Variants in CDIN1 observed in about 807,000 individuals in gnomAD.
The protein encoded by CDIN1 is CDAN1 interacting nuclease 1.
A neutral mutation model predicts 45.3 loss-of-function variants in CDIN1; 33 were observed. That is an observed-to-expected ratio of 0.73 (90% CI 0.55 to 0.97). The LOEUF is 0.97. Ranked by LOEUF, CDIN1 falls within the 50% of genes least tolerant of loss-of-function variation. The pLI is 0.00. For synonymous variants in CDIN1, 118 were observed against 124.4 expected (o/e 0.95, Z 0.34); for missense variants, 303 against 339.4 (o/e 0.89, Z 0.84).
chr15:36,674,124 A>T (rs1363527822), intron 5 of CDIN1, among the ~76,000 whole-genome samples: 1 of 152,160 alleles, frequency 6.6e-6, no homozygotes, highest in Non-Finnish European at 1.5e-5. Flanking sequence ...TAATAAGCGT[A>T]TGCTTGTGGT....
chr15:36,726,184 G>T (rs924042575), intron 10 of CDIN1, among the ~76,000 whole-genome samples: 1 of 152,106 alleles, frequency 6.6e-6, no homozygotes, highest in African/African-American at 2.4e-5. Flanking sequence ...TCATATCACT[G>T]CACTTTTCAG....
intron 10 of CDIN1, among the ~76,000 whole-genome samples, chr15:36,750,998 C>A (rs2053444241): frequency 6.6e-6 from 1 of 151,810 alleles, no homozygotes; most frequent in African/African-American, 2.4e-5. Flanking sequence ...AAAACCTCCC[C>A]TTTTATTTTT....
intron 5 of CDIN1, among the ~76,000 whole-genome samples, chr15:36,661,004 G>A (rs748924355): frequency 1.3e-5 from 2 of 152,170 alleles, no homozygotes; most frequent in Non-Finnish European, 2.9e-5. Flanking sequence ...GGAGAGAATA[G>A]CATCTCTGGT....
At chr15:36,708,947 C>A in intron 8 of CDIN1, 1 of 267,684 alleles carries the variant, frequency 3.7e-6, no homozygotes, top group Non-Finnish European at 6.9e-6. Flanking sequence ...TGAGTACTTT[C>A]AATTACAAAA....
At chr15:36,604,075 T>C (rs1377730) in intron 1 of CDIN1, among the ~76,000 whole-genome samples, 90,331 of 151,900 alleles carry the variant, frequency 0.59, 27,559 homozygotes, top group African/African-American at 0.72. Context: ...TTAAAACCTT[T>C]GGAATATGTG....
At chr15:36,754,633 TC>T (rs2053560646) in intron 10 of CDIN1, among the ~76,000 whole-genome samples, 1 of 149,682 alleles carries the variant, frequency 6.7e-6, no homozygotes, top group Admixed American at 6.6e-5. Flanking sequence ...AATATATTTA[TC>T]CCCCTTACAT....
chr15:36,582,742 A>T (rs2037104901), intron 1 of CDIN1, among the ~76,000 whole-genome samples: 2 of 152,224 alleles, frequency 1.3e-5, no homozygotes, highest in Admixed American at 1.3e-4. Flanking sequence ...ATTTTGATGT[A>T]TACTGACAAA....
At chr15:36,767,147 C>T (rs751539985) in intron 10 of CDIN1, among the ~76,000 whole-genome samples, 2 of 148,038 alleles carry the variant, frequency 1.4e-5, no homozygotes, top group African/African-American at 2.5e-5. Flanking sequence ...TATTCTTTTG[C>T]CTGGGGATGT....
chr15:36,752,921 G>A (rs12440276), intron 10 of CDIN1, among the ~76,000 whole-genome samples: 9,651 of 152,108 alleles, frequency 0.063, 494 homozygotes, highest in East Asian at 0.26. Flanking sequence ...GAGATTGATG[G>A]GCATTGTGGT....
At chr15:36,797,278 A>G (rs1009584624) in intron 10 of CDIN1, among the ~76,000 whole-genome samples, 7 of 152,126 alleles carry the variant, frequency 4.6e-5, no homozygotes, top group South Asian at 2.1e-4. Flanking sequence ...AAACAGATGA[A>G]CCTGCTGAGA....
chr15:36,721,176 C>A (rs2043403666), intron 10 of CDIN1, among the ~76,000 whole-genome samples: 1 of 151,864 alleles, frequency 6.6e-6, no homozygotes, highest in Non-Finnish European at 1.5e-5. Flanking sequence ...GGGTATTAGC[C>A]CTTTGTCAGA....
chr15:36,779,955 T>C (rs1168116666), intron 10 of CDIN1, among the ~76,000 whole-genome samples: 1 of 152,150 alleles, frequency 6.6e-6, no homozygotes, highest in Non-Finnish European at 1.5e-5. Context: ...TCATACTGAG[T>C]AGCAGTGGCA....
intron 10 of CDIN1, among the ~76,000 whole-genome samples, chr15:36,791,741 A>G (rs1370932132): frequency 2.0e-5 from 3 of 152,146 alleles, no homozygotes; most frequent in Non-Finnish European, 2.9e-5. Context: ...TGTTTCTTTT[A>G]AAAGTGATCA....
chr15:36,729,228 G>GGAACTA (rs2043753650), intron 10 of CDIN1, among the ~76,000 whole-genome samples: 1 of 152,112 alleles, frequency 6.6e-6, no homozygotes, highest in African/African-American at 2.4e-5. Flanking sequence ...GTTACACTGA[G>GGAACTA]GAACTAGTAC....
At chr15:36,632,458 G>A (rs1475309718) in intron 1 of CDIN1, among the ~76,000 whole-genome samples, 2 of 152,158 alleles carry the variant, frequency 1.3e-5, no homozygotes, top group African/African-American at 4.8e-5. Context: ...TCATGCCCAG[G>A]ACACCACACC....
intron 10 of CDIN1, among the ~76,000 whole-genome samples, chr15:36,785,539 C>A (rs949579173): frequency 1.3e-5 from 2 of 152,174 alleles, no homozygotes; most frequent in Non-Finnish European, 2.9e-5. Flanking sequence ...TACACTGATA[C>A]ACACATTCAC....
In CDIN1 at chr15:36,808,837, AT is replaced by A. The variant is rs1435536277; in HGVS notation, c.*393del. The A allele has an allele frequency of 1.4e-4, 60 of 438,376 alleles. No individual in the cohort carries two copies. Among genetic ancestry groups the A allele is most frequent in the Admixed American group, 2.2e-4 (9 of 40,562 alleles). 27.2% of individuals were successfully genotyped at this position (438,376 alleles called of 1,614,324 possible). A position where few individuals can be genotyped will look rare whatever the true frequency, so the allele number is the denominator to read the frequency against. On this transcript the variant is annotated 3_prime_UTR_variant, in exon 11 of 11. Coordinates refer to ENST00000566621, the MANE Select transcript of CDIN1 (RefSeq NM_001321759.2). ...CTCCCAGTTACCGAATCACCCTCTT[AT>A]TTTTTTTTCCCTAAGCCTCCGTTCA...
intron 10 of CDIN1, among the ~76,000 whole-genome samples, chr15:36,800,905 GTGTGTATATATATATA>G (rs1374765497): frequency 4.5e-5 from 1 of 22,102 alleles, no homozygotes; most frequent in East Asian, 2.3e-3. Context: ...GTGTGTGTGT[GTGTGTATATATATATA>G]TATATATATA....
At chr15:36,775,726 A>T (rs908624437) in intron 10 of CDIN1, among the ~76,000 whole-genome samples, 4 of 152,180 alleles carry the variant, frequency 2.6e-5, no homozygotes, top group African/African-American at 9.7e-5. Context: ...AATATGCAAG[A>T]TGTATACCCT....
Sources: gnomAD v4.1 joint callset for allele counts (sites outside exome capture counted in the v4.1 genomes callset) on GRCh38, gnomAD v4.1.1 for gene constraint, MANE v1.5 for transcripts, NCBI Gene and HGNC (gene_info 2026-07-23, HGNC 2026-07-21) for gene names.